Variants in EPC2 observed in about 807,000 individuals in gnomAD.
The protein encoded by EPC2 is enhancer of polycomb homolog 2.
A neutral mutation model predicts 92.1 loss-of-function variants in EPC2; 14 were observed. That is an observed-to-expected ratio of 0.15 (90% CI 0.10 to 0.24). The LOEUF (loss-of-function observed/expected upper bound fraction) is 0.24, where lower values mean the gene tolerates loss of function less well. EPC2 is among the 10% of genes least tolerant of loss of function. The pLI is 1.00. For missense variants in EPC2, 755 were observed against 971.5 expected (o/e 0.78, Z 2.96); for synonymous variants, 340 against 334.7 (o/e 1.02, Z -0.17).
At chr2:148,647,958 T>C (rs549335953) in intron 1 of EPC2, among the ~76,000 whole-genome samples, 1 of 152,352 alleles carries the variant, frequency 6.6e-6, no homozygotes, top group African/African-American at 2.4e-5. Context: ...ATTAGCTCTT[T>C]TAGAAAGAAT....
At position 148,754,112 on chromosome 2, in the gene EPC2, A is replaced by G. The variant is rs1289007146; in HGVS notation, c.645A>G (p.Thr215=). Residue 215 remains threonine, a synonymous_variant, in exon 4 of 14, where the codon ACA becomes ACG. Coordinates refer to ENST00000258484, the MANE Select transcript of EPC2 (RefSeq NM_015630.4). ...CTTATGTTGCCTTTCGGAGAAGAAC[A>G]GAGAAAATGCAAACTCGAAAGGTAA... ...NDPYVAFRRR[T]EKMQTRKNRK... 3 of 1,605,096 alleles carry G rather than the reference A, an allele frequency of 1.9e-6. No homozygotes were observed. The highest frequency in any genetic ancestry group is 1.1e-5 in the South Asian group (1 of 89,202).
chr2:148,675,188 G>A (rs1179404169), intron 1 of EPC2, among the ~76,000 whole-genome samples: 3 of 151,948 alleles, frequency 2.0e-5, no homozygotes, highest in Non-Finnish European at 4.4e-5. Context: ...AATAATTGTA[G>A]TCTTTATTTC....
At chr2:148,740,929 A>G (rs969516894) in intron 2 of EPC2, among the ~76,000 whole-genome samples, 5 of 152,108 alleles carry the variant, frequency 3.3e-5, no homozygotes, top group Non-Finnish European at 4.4e-5. Context: ...AAGGAAGAGT[A>G]ATTTTTAGTA....
chr2:148,672,943 A>G (rs1681187035), intron 1 of EPC2, among the ~76,000 whole-genome samples: 1 of 152,110 alleles, frequency 6.6e-6, no homozygotes. Flanking sequence ...TTCATTTTTG[A>G]AGAACATTTT....
intron 2 of EPC2, among the ~76,000 whole-genome samples, chr2:148,713,588 T>C (rs1266313463): frequency 6.6e-6 from 1 of 152,198 alleles, no homozygotes; most frequent in Non-Finnish European, 1.5e-5. Context: ...TTGCATTCAG[T>C]CACCCCTCAA....
chr2:148,744,998 C>A, intron 3 of EPC2, among the ~76,000 whole-genome samples: 1 of 127,350 alleles, frequency 7.9e-6, no homozygotes, highest in African/African-American at 2.7e-5. Flanking sequence ...TGCCCCCCCC[C>A]CCCGCACCAT....
intron 6 of EPC2, 50 bp from the exon 7 acceptor site, chr2:148,764,905 A>G (rs768680277): frequency 1.2e-5 from 16 of 1,307,066 alleles, no homozygotes; most frequent in Non-Finnish European, 1.5e-5. Flanking sequence ...CATGATTTCT[A>G]AAATGATTTT....
intron 6 of EPC2, among the ~76,000 whole-genome samples, chr2:148,763,565 C>G (rs1453157544): frequency 6.6e-6 from 1 of 152,182 alleles, no homozygotes; most frequent in Non-Finnish European, 1.5e-5. Context: ...GAAAATTCAT[C>G]TTTTAAAAAT....
At chr2:148,783,852 G>T in intron 12 of EPC2, 96 bp downstream of exon 12, 1 of 1,226,194 alleles carries the variant, frequency 8.2e-7, no homozygotes, top group Non-Finnish European at 1.1e-6. Flanking sequence ...GGGAAAATGT[G>T]TATAAGTCAA....
chr2:148,673,368 C>T (rs1017888862), intron 1 of EPC2, among the ~76,000 whole-genome samples: 2 of 152,114 alleles, frequency 1.3e-5, no homozygotes, highest in Non-Finnish European at 2.9e-5. Flanking sequence ...AGTGTTTCTT[C>T]ACATTTCTTC....
At chr2:148,758,632 G>A (rs1245124552) in intron 4 of EPC2, among the ~76,000 whole-genome samples, 1 of 152,116 alleles carries the variant, frequency 6.6e-6, no homozygotes, top group African/African-American at 2.4e-5. Flanking sequence ...CTGACCTCAA[G>A]TGATCTGCCC....
At chr2:148,693,569 C>T (rs1338260666) in intron 2 of EPC2, among the ~76,000 whole-genome samples, 1 of 152,140 alleles carries the variant, frequency 6.6e-6, no homozygotes, top group African/African-American at 2.4e-5. Context: ...GTTTGAGGGT[C>T]TTTTTCTTCC....
Position 148,771,100 on chromosome 2 carries a change from C to T in EPC2, c.1433C>T (p.Pro478Leu), listed in dbSNP as rs1347285518. The change falls in exon 10 of 14, where the codon CCT (proline) becomes CTT (leucine). Residue 478 changes from proline (P) to leucine (L), a missense_variant. Pro to Leu is a moderately conservative substitution (Grantham distance 98, BLOSUM62 -3). Around this residue, in one of 4 missense-constraint regions of EPC2, gnomAD observed 509 missense variants for 607.7 expected, o/e 0.84. Coordinates refer to ENST00000258484, the MANE Select transcript of EPC2 (RefSeq NM_015630.4). ...EHDPVLKQIDPEMLNSFSSSS... is the reference protein window; with the variant it reads ...EHDPVLKQIDLEMLNSFSSSS... ...GACCCAGTCCTGAAACAGATAGACC[C>T]TGAAATGCTGAATAGTTTTTCAAGC... The T allele has an allele frequency of 6.2e-7, 1 of 1,613,314 alleles. No homozygotes were observed. Among genetic ancestry groups the T allele is most frequent in the Admixed American group, 1.7e-5 (1 of 59,950 alleles).
intron 2 of EPC2, among the ~76,000 whole-genome samples, chr2:148,734,507 TACTTG>T (rs1210936764): frequency 2.0e-5 from 3 of 152,152 alleles, no homozygotes; most frequent in African/African-American, 4.8e-5. Flanking sequence ...AATTCTATAG[TACTTG>T]ACTTTCACTT....
At chr2:148,758,057 A>G (rs1336345711) in intron 4 of EPC2, among the ~76,000 whole-genome samples, 1 of 151,682 alleles carries the variant, frequency 6.6e-6, no homozygotes, top group Non-Finnish European at 1.5e-5. Context: ...AGCCAGCTTG[A>G]AAGGGGACTC....
chr2:148,746,906 A>G (rs1682996276), intron 3 of EPC2, among the ~76,000 whole-genome samples: 1 of 152,094 alleles, frequency 6.6e-6, no homozygotes, highest in South Asian at 2.1e-4. Context: ...TCTTGGTGTA[A>G]ATGGATATAC....
intron 2 of EPC2, among the ~76,000 whole-genome samples, chr2:148,696,607 G>T (rs1338837658): frequency 6.6e-6 from 1 of 152,148 alleles, no homozygotes; most frequent in Non-Finnish European, 1.5e-5. Flanking sequence ...GGTCATAAAG[G>T]GTGCATGATT....
intron 8 of EPC2, among the ~76,000 whole-genome samples, 162 bp from the exon 9 acceptor site, chr2:148,770,630 A>T (rs922787624): frequency 3.3e-5 from 5 of 152,192 alleles, no homozygotes; most frequent in African/African-American, 1.2e-4. Flanking sequence ...GTAAAATTTA[A>T]CCTGATTAAT....
At chr2:148,745,634 A>C (rs2105409467) in intron 3 of EPC2, among the ~76,000 whole-genome samples, 1 of 152,256 alleles carries the variant, frequency 6.6e-6, no homozygotes, top group East Asian at 1.9e-4. Flanking sequence ...CAGCAATGGA[A>C]AGTAAAAGTG....
Sources: allele counts gnomAD v4.1 joint callset (sites outside exome capture counted in the v4.1 genomes callset), GRCh38; gene constraint gnomAD v4.1.1; regional missense constraint gnomAD v4.1.1; transcripts MANE v1.5; gene names NCBI Gene and HGNC (gene_info 2026-07-23, HGNC 2026-07-21).